Variants in SHTN1 observed in about 807,000 individuals in gnomAD.
SHTN1 encodes shootin-1.
SHTN1 carries 42 observed loss-of-function variants against 83.1 expected under a neutral mutation model. The observed-to-expected ratio is 0.51, with a 90% confidence interval of 0.39 to 0.65. The LOEUF (loss-of-function observed/expected upper bound fraction) is 0.65. SHTN1 is among the 30% of genes least tolerant of loss of function. SHTN1 has a pLI of 0.00. For missense variants in SHTN1, 622 were observed against 737.8 expected (o/e 0.84, Z 1.82); for synonymous variants, 224 against 247.7 (o/e 0.90, Z 0.90).
At chr10:117,121,549 A>C in intron 1 of SHTN1, among the ~76,000 whole-genome samples, 1 of 151,824 alleles carries the variant, frequency 6.6e-6, no homozygotes, top group Non-Finnish European at 1.5e-5. Context: ...ACTATACTCC[A>C]GCCTGGCCGA....
At chr10:116,990,289 T>TTC (rs1465758579) in intron 1 of SHTN1, among the ~76,000 whole-genome samples, 13 of 144,112 alleles carry the variant, frequency 9.0e-5, no homozygotes, top group East Asian at 7.9e-4. Context: ...TTTTCTTTCT[T>TTC]TTTTTTTTTT....
chr10:117,031,498 T>C (rs1002969569), intron 2 of SHTN1, among the ~76,000 whole-genome samples: 3 of 152,208 alleles, frequency 2.0e-5, no homozygotes, highest in Admixed American at 1.3e-4. Flanking sequence ...CTCTTATTTC[T>C]AGTAAAACGA....
At position 116,940,552 on chromosome 10, in the gene SHTN1, G is replaced by A; in HGVS notation, c.772C>T (p.Pro258Ser). 1 of 1,613,884 alleles carries A rather than the reference G, an allele frequency of 6.2e-7. No homozygotes were observed. The highest frequency in any genetic ancestry group is 8.5e-7 in the Non-Finnish European group (1 of 1,179,848). Residue 258 changes from proline (P) to serine (S), a missense_variant, in exon 9 of 17, where the codon CCT becomes TCT. Pro to Ser is a moderately conservative substitution (Grantham distance 74). Transcript: ENST00000355371. ...AAAGCTTTCAAAAGCTGCTGATCAG[G>A]GATGGAGCTCTGCAGCAGAAGGTGG... is the stretch of plus-strand genomic sequence containing the variant. Reference protein sequence around the residue: ...QSHLLLQSSIPDQQLLKALDE... With the variant: ...QSHLLLQSSISDQQLLKALDE...
At chr10:117,038,826 C>A (rs1852541354) in intron 2 of SHTN1, among the ~76,000 whole-genome samples, 2 of 152,106 alleles carry the variant, frequency 1.3e-5, no homozygotes, top group African/African-American at 4.8e-5. Context: ...GGCCAAAATC[C>A]AGAACACTGA....
At chr10:116,887,329 A>G (rs1009833483) in intron 16 of SHTN1, among the ~76,000 whole-genome samples, 2 of 152,168 alleles carry the variant, frequency 1.3e-5, no homozygotes, top group African/African-American at 4.8e-5. Flanking sequence ...ATGGGAACAG[A>G]TATCTCTGAA....
chr10:117,119,299 CAA>C (rs372646987), intron 1 of SHTN1, among the ~76,000 whole-genome samples: 2 of 152,122 alleles, frequency 1.3e-5, no homozygotes, highest in East Asian at 3.9e-4. Flanking sequence ...GCCCATCTGA[CAA>C]GAGATCAATA....
intron 1 of SHTN1, among the ~76,000 whole-genome samples, chr10:117,070,368 T>A (rs1853062513): frequency 6.6e-6 from 1 of 152,128 alleles, no homozygotes; most frequent in Non-Finnish European, 1.5e-5. Context: ...GATTTTCTTT[T>A]GAAGTCCCTA....
intron 2 of SHTN1, among the ~76,000 whole-genome samples, chr10:117,030,028 A>G (rs963951376): frequency 4.0e-5 from 6 of 151,710 alleles, no homozygotes; most frequent in African/African-American, 1.5e-4. Context: ...GTCTGGGCCT[A>G]CAGGTGCATG....
intron 1 of SHTN1, among the ~76,000 whole-genome samples, chr10:117,054,406 CTTTTTTT>C (rs1214269438): frequency 7.2e-6 from 1 of 138,472 alleles, no homozygotes; most frequent in African/African-American, 2.6e-5. Context: ...GCATCCTTAT[CTTTTTTT>C]TTTTTTTTTT....
chr10:116,940,222 G>A (rs565452473), intron 9 of SHTN1, among the ~76,000 whole-genome samples: 13 of 152,162 alleles, frequency 8.5e-5, no homozygotes, highest in South Asian at 2.1e-4. Context: ...TGCTTCTTCC[G>A]ACCCTTTGGA....
chr10:116,960,300 G>T, intron 3 of SHTN1, 70 bp from the exon 4 acceptor site: 2 of 844,040 alleles, frequency 2.4e-6, no homozygotes, highest in Non-Finnish European at 4.0e-6. Flanking sequence ...CCCACGCATC[G>T]TCCCATGATT....
chr10:117,038,518 AT>A (rs991785529), intron 2 of SHTN1, among the ~76,000 whole-genome samples: 2 of 150,094 alleles, frequency 1.3e-5, no homozygotes, highest in Admixed American at 1.3e-4. Context: ...TAAAAAAAAA[AT>A]TCTGTTTTGT....
chr10:117,114,994 T>A (rs1359138832), intron 1 of SHTN1, among the ~76,000 whole-genome samples: 4 of 152,184 alleles, frequency 2.6e-5, no homozygotes, highest in Admixed American at 2.0e-4. Flanking sequence ...TGTGCCACTG[T>A]TTGCCCAAAT....
intron 1 of SHTN1, among the ~76,000 whole-genome samples, chr10:117,069,266 T>A (rs1490509193): frequency 6.6e-6 from 1 of 152,170 alleles, no homozygotes; most frequent in Non-Finnish European, 1.5e-5. Context: ...AGCAGAAGGT[T>A]GCATCGATCT....
intron 1 of SHTN1, among the ~76,000 whole-genome samples, chr10:117,097,266 A>G (rs775579899): frequency 1.3e-5 from 2 of 152,234 alleles, no homozygotes; most frequent in Non-Finnish European, 2.9e-5. Context: ...CTCAACCCCG[A>G]CAGACTCTGC....
chr10:117,033,355 C>T (rs1852448688), intron 2 of SHTN1, among the ~76,000 whole-genome samples: 1 of 151,950 alleles, frequency 6.6e-6, no homozygotes. Flanking sequence ...GACATTACAA[C>T]TGATACTGCA....
At chr10:116,910,319 AG>A (rs1228646474) in intron 14 of SHTN1, among the ~76,000 whole-genome samples, 3 of 152,238 alleles carry the variant, frequency 2.0e-5, no homozygotes, top group Non-Finnish European at 2.9e-5. Context: ...ATGCCAGGTA[AG>A]GCAGTGAGAT....
Position 116,946,387 on chromosome 10 carries a change from A to G in SHTN1, c.617-1369T>C, listed in dbSNP as rs982482301. Among the ~76,000 whole-genome samples the G allele has an allele frequency of 4.1e-5, 6 of 147,088 alleles. No homozygotes were observed. In the East Asian group the frequency reaches 1.2e-3, roughly 29 times the overall value. ...AAAAGTATACTACCTGAATATATAC[A>G]TTTTTATGTATAAAAATATATGTAT... On this transcript the variant is annotated intron_variant, in intron 7 of 16. Coordinates refer to ENST00000355371, the MANE Select transcript of SHTN1 (RefSeq NM_001127211.3).
intron 13 of SHTN1, among the ~76,000 whole-genome samples, chr10:116,915,133 CACTGTCTCTCGTAATGAGACA>C (rs1433509425): frequency 1.3e-5 from 2 of 152,146 alleles, no homozygotes; most frequent in African/African-American, 4.8e-5. Flanking sequence ...CAGTTCGTAT[CACTGTCTCTCGTAATGAGACA>C]ACAGCACCCC....
Sources: gnomAD v4.1 joint callset for allele counts (sites outside exome capture counted in the v4.1 genomes callset) on GRCh38, gnomAD v4.1.1 for gene constraint, MANE v1.5 for transcripts, NCBI Gene and HGNC (gene_info 2026-07-23, HGNC 2026-07-21) for gene names.